The following ACTR3C variants were observed in gnomAD, a reference collection of about 807,000 sequenced individuals.
The protein encoded by ACTR3C is actin related protein 3C, also known as actin-related protein 3C.
ACTR3C carries 18 observed loss-of-function variants against 26.3 expected under a neutral mutation model. The ratio of observed to expected loss-of-function variants is 0.68; its 90% CI spans 0.47 to 1.01. The LOEUF (loss-of-function observed/expected upper bound fraction) is 1.01, where lower values mean the gene tolerates loss of function less well. ACTR3C is among the 50% of genes least tolerant of loss of function. The pLI is 0.00. For missense variants in ACTR3C, 184 were observed against 250.7 expected (o/e 0.73, Z 1.80); for synonymous variants, 55 against 94.5 (o/e 0.58, Z 2.42).
chr7:150,006,185 A>AATTTATTT, the ACTR3C span, among the ~76,000 whole-genome samples: 12 of 139,106 alleles, frequency 8.6e-5, no homozygotes, highest in Middle Eastern at 3.6e-3. Flanking sequence ...AATTGCACAG[A>AATTTATTT]ATTTATTTAT....
chr7:150,041,082 G>A, the ACTR3C span, among the ~76,000 whole-genome samples: 3 of 150,662 alleles, frequency 2.0e-5, no homozygotes, highest in East Asian at 1.9e-4. Context: ...TCTCTCTGAC[G>A]CATACAATGG....
chr7:150,067,041 A>G, the ACTR3C span, among the ~76,000 whole-genome samples: 1 of 152,230 alleles, frequency 6.6e-6, no homozygotes, highest in East Asian at 1.9e-4. Context: ...AATCACTCAC[A>G]ATGAGAAATA....
chr7:150,241,888 A>G (rs764385742), downstream of ACTR3C, among the ~76,000 whole-genome samples: 4 of 152,324 alleles, frequency 2.6e-5, no homozygotes, highest in East Asian at 7.7e-4. Flanking sequence ...CAACATTATT[A>G]GCCATCAGAA....
At chr7:150,253,155 C>T (rs548353911) in intron 6 of ACTR3C, among the ~76,000 whole-genome samples, 8 of 151,630 alleles carry the variant, frequency 5.3e-5, no homozygotes, top group African/African-American at 9.7e-5. Context: ...GGTGGCAGAG[C>T]GGGCCCAACA....
the ACTR3C span, among the ~76,000 whole-genome samples, chr7:150,076,014 G>C: frequency 6.6e-6 from 1 of 152,064 alleles, no homozygotes; most frequent in African/African-American, 2.4e-5. Context: ...GCACGTTAAA[G>C]GGATTTTACA....
chr7:149,985,773 T>C, the ACTR3C span, among the ~76,000 whole-genome samples: 1 of 152,202 alleles, frequency 6.6e-6, no homozygotes, highest in Admixed American at 6.5e-5. Context: ...AAAGCCCTTC[T>C]TTCTGTACCC....
the ACTR3C span, among the ~76,000 whole-genome samples, chr7:150,022,594 G>A: frequency 3.1e-3 from 468 of 152,076 alleles, 3 homozygotes; most frequent in South Asian, 0.027. Context: ...GGGAGTAGCC[G>A]GTGTGTCTCT....
the ACTR3C span, among the ~76,000 whole-genome samples, chr7:149,974,949 A>T: frequency 6.6e-6 from 1 of 152,196 alleles, no homozygotes; most frequent in South Asian, 2.1e-4. Context: ...CTGGGAATCT[A>T]CAATATGGCC....
At chr7:150,231,463 G>T in the ACTR3C span, among the ~76,000 whole-genome samples, 20 of 151,398 alleles carry the variant, frequency 1.3e-4, no homozygotes, top group Non-Finnish European at 2.5e-4. Context: ...CTCTCACCAC[G>T]TGATCACTGA....
At chr7:150,086,349 T>C in the ACTR3C span, among the ~76,000 whole-genome samples, 17 of 152,368 alleles carry the variant, frequency 1.1e-4, no homozygotes, top group South Asian at 3.3e-3. Flanking sequence ...GTTGGCCTTA[T>C]GCTAGTATAA....
the ACTR3C span, among the ~76,000 whole-genome samples, chr7:150,132,629 G>T: frequency 6.6e-6 from 1 of 152,116 alleles, no homozygotes; most frequent in Admixed American, 6.5e-5. Flanking sequence ...TGCTGTCAAG[G>T]CTACAGAGCA....
At chr7:149,988,780 C>T in the ACTR3C span, among the ~76,000 whole-genome samples, 1 of 152,228 alleles carries the variant, frequency 6.6e-6, no homozygotes, top group Non-Finnish European at 1.5e-5. Flanking sequence ...AGGTAGAGAA[C>T]AGGGCTGAGG....
At chr7:150,059,996 T>A in the ACTR3C span, among the ~76,000 whole-genome samples, 1 of 152,262 alleles carries the variant, frequency 6.6e-6, no homozygotes, top group Non-Finnish European at 1.5e-5. Flanking sequence ...AAAAATACTT[T>A]CGGCACACAT....
chr7:149,929,677 C>T, the ACTR3C span, among the ~76,000 whole-genome samples: 10 of 151,814 alleles, frequency 6.6e-5, no homozygotes, highest in East Asian at 2.0e-4. Context: ...ACTACAGGCA[C>T]GCACCACCAC....
intron 6 of ACTR3C, among the ~76,000 whole-genome samples, chr7:150,259,459 A>G (rs1234793402): frequency 6.6e-6 from 1 of 152,240 alleles, no homozygotes; most frequent in Admixed American, 6.5e-5. Context: ...TTTTTCTGTT[A>G]GCTTGTTTTC....
chr7:149,992,785 G>A, the ACTR3C span, among the ~76,000 whole-genome samples: 1 of 152,306 alleles, frequency 6.6e-6, no homozygotes, highest in East Asian at 1.9e-4. Context: ...AGGGAGAATT[G>A]TCTCACATGC....
At chr7:149,983,072 A>C in the ACTR3C span, among the ~76,000 whole-genome samples, 2 of 152,190 alleles carry the variant, frequency 1.3e-5, no homozygotes, top group Non-Finnish European at 2.9e-5. Flanking sequence ...CTGGATATCC[A>C]TACAAGAGAA....
At chr7:150,038,683 A>T in the ACTR3C span, among the ~76,000 whole-genome samples, 3 of 143,448 alleles carry the variant, frequency 2.1e-5, no homozygotes, top group Non-Finnish European at 4.6e-5. Flanking sequence ...TGAACTTTCT[A>T]CTTGGACACC....
At chr7:150,289,650 C>G (rs1836074135) in intron 3 of ACTR3C, 57 bp from the exon 4 acceptor site, 1 of 1,572,802 alleles carries the variant, frequency 6.4e-7, no homozygotes, top group Admixed American at 1.7e-5. Flanking sequence ...TGGAGAGCAG[C>G]CTGGACTCAC....
Sources: allele counts gnomAD v4.1 joint callset (sites outside exome capture counted in the v4.1 genomes callset), GRCh38; gene constraint gnomAD v4.1.1; transcripts MANE v1.5; gene names NCBI Gene and HGNC (gene_info 2026-07-23, HGNC 2026-07-21).